MAP1S: variants seen among roughly 807,000 people sequenced by gnomAD.
MAP1S encodes the protein microtubule-associated protein 1S.
A neutral mutation model predicts 60.9 loss-of-function variants in MAP1S; 27 were observed. That is an observed-to-expected ratio of 0.44 (90% confidence interval 0.33 to 0.61). MAP1S has a LOEUF of 0.61. Ranked by LOEUF, MAP1S falls within the 20% of genes least tolerant of loss-of-function variation. MAP1S has a pLI of 0.03. For synonymous variants in MAP1S, 826 were observed against 694.2 expected, an observed-to-expected ratio of 1.19 and a Z score of -2.98; for missense variants, 1,608 against 1,486.6, an observed-to-expected ratio of 1.08 and a Z score of -1.34.
At position 17,724,131 on chromosome 19, in the gene MAP1S, C is replaced by T. The variant is rs369085181; in HGVS notation, c.226C>T (p.Arg76Trp). 8 of 1,613,344 alleles carry T rather than the reference C, an allele frequency of 5.0e-6. No homozygotes were observed. The highest frequency in any genetic ancestry group is 1.7e-5 in the Admixed American group (1 of 59,964). The change falls in exon 3 of 7, where the codon CGG (arginine) becomes TGG (tryptophan). Residue 76 changes from arginine (R) to tryptophan (W), a missense_variant. Physicochemically the swap from Arg to Trp is moderately radical, Grantham distance 101 (BLOSUM62 -3). Around this residue, in one of 4 missense-constraint regions of MAP1S, gnomAD observed 320 missense variants for 393.1 expected, o/e 0.81. Coordinates refer to ENST00000324096, the MANE Select transcript of MAP1S (RefSeq NM_018174.6). ...ACGGCCTGATTCCCCCACAGGCCAGCGGAGCCTGCACCACCGTGGAGACAA... is the reference window on the plus strand; with the variant it reads ...ACGGCCTGATTCCCCCACAGGCCAGTGGAGCCTGCACCACCGTGGAGACAA... ...ATFSSIVKGQRSLHHRGDNLE... is the reference protein window; with the variant it reads ...ATFSSIVKGQWSLHHRGDNLE...
chr19:17,721,421 G>C (rs2080369550), intron 2 of MAP1S: 1 of 325,568 alleles, frequency 3.1e-6, no homozygotes, highest in Admixed American at 4.6e-5. Flanking sequence ...TTACGCCTCT[G>C]ATCTCAGCAC....
intron 6 of MAP1S, among the ~76,000 whole-genome samples, 188 bp downstream of exon 6, chr19:17,733,616 T>C (rs2080512946): frequency 6.6e-6 from 1 of 152,182 alleles, no homozygotes; most frequent in Non-Finnish European, 1.5e-5. Flanking sequence ...ACTGTTGTCA[T>C]TGGCTGTGCT....
chr19:17,733,527 C>A (rs1032624738), intron 6 of MAP1S, 99 bp downstream of exon 6: 3 of 994,492 alleles, frequency 3.0e-6, no homozygotes, highest in Non-Finnish European at 4.3e-6. Flanking sequence ...CCCCAGGCCA[C>A]ACGGGAATGG....
Position 17,734,439 on chromosome 19 carries a change from G to C in MAP1S, c.*11G>C. ...AAGGTGGAGTTCTAGCCCCATCGCC[G>C]ACACGCCCCCCACTCAGCCCAGCCC... On this transcript the variant is annotated 3_prime_UTR_variant, in exon 7 of 7. Coordinates refer to ENST00000324096, the MANE Select transcript of MAP1S (RefSeq NM_018174.6). 10 of 1,599,474 alleles carry C rather than the reference G, an allele frequency of 6.3e-6. No individual in the cohort carries two copies. The highest frequency in any genetic ancestry group is 7.7e-6 in the Non-Finnish European group (9 of 1,172,186).
Position 17,733,196 on chromosome 19 carries a change from C to A in MAP1S, c.2792C>A (p.Ser931Ter). 1 of 1,535,604 alleles carries A rather than the reference C, an allele frequency of 6.5e-7. No homozygotes were observed. The highest frequency in any genetic ancestry group is 8.8e-7 in the Non-Finnish European group (1 of 1,138,780). ...CTCCCCATCCCCCCGCCCGCAGGGT[C>A]AGCCAGCAGCCGGCCCGGGGTGTCA... The part of the protein sequence containing the change: ...PKTATRGPSG[S>*]ASSRPGVSAT... The change falls in exon 6 of 7, where the codon TCA becomes TAA. Residue 931 changes from serine (S) to a stop codon, truncating the protein, a stop_gained. Transcript: ENST00000324096. LOFTEE classifies it high-confidence loss of function.
At chr19:17,733,644 C>T (rs1303683985) in intron 6 of MAP1S, among the ~76,000 whole-genome samples, 5 of 152,188 alleles carry the variant, frequency 3.3e-5, no homozygotes, top group Admixed American at 2.0e-4. Context: ...TGGGGGAGGA[C>T]GCAGGGCCTC....
In MAP1S at chr19:17,726,392, C is replaced by A; in HGVS notation, c.1008C>A (p.Val336=). 1 of 1,591,016 alleles carries A rather than the reference C, an allele frequency of 6.3e-7. No homozygotes were observed. ...LRRLISPNLG[V]VFFNACEAAS... ...GGCTCATCTCCCCCAACCTGGGGGT[C>A]GTGTTCTTCAACGCCTGCGAGGCCG... The change falls in exon 5 of 7, where the codon GTC becomes GTA. Residue 336 remains valine (V), a synonymous_variant. Coordinates refer to ENST00000324096, the MANE Select transcript of MAP1S (RefSeq NM_018174.6).
Position 17,720,603 on chromosome 19 carries a change from A to T in MAP1S, c.119-333A>T. The T allele has an allele frequency of 2.5e-6, 3 of 1,205,326 alleles. No homozygotes were observed. In the South Asian group the frequency reaches 4.8e-5, roughly 19 times the overall value. 74.7% of individuals were successfully genotyped at this position (1,205,326 alleles called of 1,614,324 possible). A position where few individuals can be genotyped will look rare whatever the true frequency, so the allele number is the denominator to read the frequency against. On this transcript the variant is annotated intron_variant, in intron 1 of 6. Transcript: ENST00000324096. ...GCCAGTAGGAACAGGTGGGGGCGGC[A>T]GGGGGATGGACTTCCAGGCAGGGGA...
Position 17,733,392 on chromosome 19 carries a change from A to T in MAP1S, c.2988A>T (p.Leu996=), listed in dbSNP as rs368932629. The T allele has an allele frequency of 1.6e-5, 26 of 1,609,492 alleles. No homozygotes were observed. In the Admixed American group the frequency reaches 3.0e-4, roughly 19 times the overall value. The part of the protein sequence containing the change: ...EEGMRAVLDA[L]LASKQHWDRD... ...GCATGCGGGCCGTCCTGGACGCGCTACTGGCCAGCAAGCAGCATTGGGACC... is the reference window on the plus strand; with the variant it reads ...GCATGCGGGCCGTCCTGGACGCGCTTCTGGCCAGCAAGCAGCATTGGGACC... Residue 996 remains leucine, a synonymous_variant, in exon 6 of 7, where the codon CTA becomes CTT. Transcript: ENST00000324096.
Position 17,719,606 on chromosome 19 carries a change from A to T in MAP1S, c.104A>T (p.Glu35Val). ...CCGGGGCTCCTCACCTACGTCCTGG[A>T]GGAGCTCGAAAGAGGTCGGGCTGGC... ...GSPGLLTYVLEELERGIRSWD... is the reference protein window; with the variant it reads ...GSPGLLTYVLVELERGIRSWD... The change falls in exon 1 of 7, where the codon GAG becomes GTG. Residue 35 changes from glutamate (E) to valine (V), a missense_variant. Physicochemically the swap from Glu to Val is moderately radical, Grantham distance 121 (BLOSUM62 -2). Around this residue, in one of 4 missense-constraint regions of MAP1S, gnomAD observed 320 missense variants for 393.1 expected, o/e 0.81. Coordinates refer to ENST00000324096, the MANE Select transcript of MAP1S (RefSeq NM_018174.6). 1 of 1,243,314 alleles carries T rather than the reference A, an allele frequency of 8.0e-7. No homozygotes were observed. Among genetic ancestry groups the T allele is most frequent in the Non-Finnish European group, 1.0e-6 (1 of 986,158 alleles). 77.0% of individuals were successfully genotyped at this position (1,243,314 alleles called of 1,614,324 possible).
intron 1 of MAP1S, chr19:17,720,342 T>G: frequency 6.6e-7 from 1 of 1,518,472 alleles, no homozygotes; most frequent in Non-Finnish European, 8.8e-7. Context: ...GAGGAGTGTT[T>G]AGTGAGCACC....
chr19:17,723,190 A>G (rs1178848898), intron 2 of MAP1S, among the ~76,000 whole-genome samples: 2 of 152,198 alleles, frequency 1.3e-5, no homozygotes, highest in East Asian at 3.9e-4. Context: ...TTTGCTCCGG[A>G]TGTACCCTCG....
intron 5 of MAP1S, among the ~76,000 whole-genome samples, chr19:17,732,693 C>T (rs1254173088): frequency 1.3e-5 from 2 of 152,214 alleles, no homozygotes; most frequent in African/African-American, 4.8e-5. Context: ...GTGAACCAGA[C>T]AAATGCTGCA....
chr19:17,726,560 G>A lies in MAP1S; in HGVS notation c.1176G>A (p.Arg392=). ...TCTTCGAGAAGATGGGCGTGGGCCG[G>A]CTGGACATGTATGTGCTGCACCCGC... ...TVLFEKMGVG[R]LDMYVLHPPS... is the part of the protein sequence containing the mutation. The change falls in exon 5 of 7, where the codon CGG becomes CGA. Residue 392 remains arginine, a synonymous_variant. Transcript: ENST00000324096. 1 of 1,573,636 alleles carries A rather than the reference G, an allele frequency of 6.4e-7. No homozygotes were observed. Among genetic ancestry groups the A allele is most frequent in the East Asian group, 2.3e-5 (1 of 43,234 alleles).
At chr19:17,728,243 T>G in intron 5 of MAP1S, 71 bp downstream of exon 5, 2 of 1,451,288 alleles carry the variant, frequency 1.4e-6, no homozygotes, top group Admixed American at 2.6e-5. Flanking sequence ...CTCGTCCCCC[T>G]GTTTTTACAT....
intron 5 of MAP1S, among the ~76,000 whole-genome samples, chr19:17,731,348 C>T (rs771758722): frequency 2.0e-5 from 3 of 152,164 alleles, no homozygotes; most frequent in African/African-American, 2.4e-5. Context: ...TTCCCAGCAC[C>T]ATTTGTTGAA....
rs1377243390 is a variant in MAP1S, at chr19:17,726,654, G to A, written c.1270G>A (p.Gly424Ser). 2.5e-6 allele frequency: 4 copies of A among 1,579,368 alleles called. No individual in the cohort carries two copies. Among genetic ancestry groups the A allele is most frequent in the African/African-American group, 1.3e-5 (1 of 74,302 alleles). Residue 424 changes from glycine to serine, a missense_variant, in exon 5 of 7, where the codon GGC becomes AGC. Physicochemically the swap from Gly to Ser is moderately conservative, Grantham distance 56 (BLOSUM62 0). This residue lies in a region of MAP1S where 1,167 missense variants were observed against 961.4 expected (regional missense o/e 1.21). Transcript: ENST00000324096. The part of the protein sequence containing the change: ...ALLVWHPAGP[G>S]EKVVRVLFPG... ...GCTGGTGTGGCACCCCGCCGGCCCC[G>A]GCGAGAAGGTGGTGCGCGTGCTGTT...
chr19:17,720,265 G>A, intron 1 of MAP1S: 1 of 1,401,766 alleles, frequency 7.1e-7, no homozygotes, highest in Non-Finnish European at 9.3e-7. Flanking sequence ...ATCCCTCGGA[G>A]CATCTGGACC....
intron 1 of MAP1S, chr19:17,720,224 G>C: frequency 7.3e-7 from 1 of 1,374,176 alleles, no homozygotes; most frequent in Middle Eastern, 2.2e-4. Flanking sequence ...GGCGTGATGC[G>C]CCCGTGGGTG....
Sources: allele counts gnomAD v4.1 joint callset (sites outside exome capture counted in the v4.1 genomes callset), GRCh38; gene constraint gnomAD v4.1.1; regional missense constraint gnomAD v4.1.1; transcripts MANE v1.5; gene names NCBI Gene and HGNC (gene_info 2026-07-23, HGNC 2026-07-21).